Variants in CDH18 observed in about 807,000 individuals in gnomAD.
The protein encoded by CDH18 is cadherin-18.
CDH18 carries 31 observed loss-of-function variants against 67.9 expected under a neutral mutation model. The observed-to-expected ratio is 0.46, with a 90% confidence interval of 0.34 to 0.62. The LOEUF is 0.62. Among genes scored for constraint, CDH18 ranks in the 20% least tolerant of loss-of-function variants. The probability of loss-of-function intolerance (pLI) is 0.01; values close to 1 mark genes in which losing one functional copy is unlikely to be tolerated. For missense variants in CDH18, 890 were observed against 975.5 expected (o/e 0.91, Z 1.17); for synonymous variants, 362 against 347.2 (o/e 1.04, Z -0.48).
At chr5:20,483,409 A>T (rs1752953014) in intron 1 of CDH18, among the ~76,000 whole-genome samples, 1 of 152,040 alleles carries the variant, frequency 6.6e-6, no homozygotes, top group Admixed American at 6.6e-5. Flanking sequence ...ACAGAAATAG[A>T]GAAAATAATC....
intron 5 of CDH18, among the ~76,000 whole-genome samples, chr5:19,707,342 T>C (rs544234246): frequency 6.6e-6 from 1 of 152,314 alleles, no homozygotes; most frequent in African/African-American, 2.4e-5. Context: ...AACTTAATGA[T>C]AGCTATGATA....
chr5:19,897,942 G>C (rs1373115280), intron 2 of CDH18, among the ~76,000 whole-genome samples: 1 of 151,992 alleles, frequency 6.6e-6, no homozygotes, highest in East Asian at 1.9e-4. Context: ...TCTTTATCTG[G>C]ATGAAGGGAA....
intron 1 of CDH18, among the ~76,000 whole-genome samples, chr5:20,560,770 G>T (rs1758163061): frequency 6.6e-6 from 1 of 151,990 alleles, no homozygotes; most frequent in Non-Finnish European, 1.5e-5. Flanking sequence ...TTGTTAAGTA[G>T]GTGAATGAAT....
chr5:20,061,258 G>C (rs899910527), intron 2 of CDH18, among the ~76,000 whole-genome samples: 1 of 150,576 alleles, frequency 6.6e-6, no homozygotes. Context: ...AAAATATTAA[G>C]AACTCCACAA....
At chr5:19,650,986 T>C (rs1580701708) in intron 5 of CDH18, among the ~76,000 whole-genome samples, 1 of 152,152 alleles carries the variant, frequency 6.6e-6, no homozygotes, top group East Asian at 1.9e-4. Context: ...ATATGCTTTA[T>C]GCTAAAAGTA....
chr5:19,720,137 T>A (rs537593505), intron 5 of CDH18, among the ~76,000 whole-genome samples: 64 of 152,300 alleles, frequency 4.2e-4, no homozygotes, highest in African/African-American at 1.4e-3. Flanking sequence ...TGCTTATCTA[T>A]ACCATGTTTT....
At chr5:19,858,829 G>A (rs1463872448) in intron 2 of CDH18, among the ~76,000 whole-genome samples, 1 of 152,026 alleles carries the variant, frequency 6.6e-6, no homozygotes, top group Non-Finnish European at 1.5e-5. Context: ...TCATTTGTTA[G>A]ATATTACTTT....
Position 19,507,436 on chromosome 5 carries a change from C to G in CDH18, c.1513-4327G>C, listed in dbSNP as rs567437478. On this transcript the variant is annotated intron_variant, in intron 10 of 12. Coordinates refer to ENST00000382275, the MANE Select transcript of CDH18 (RefSeq NM_004934.5). ...ACCCAAAGGATTATAAATCATGCTG[C>G]TATAAAGACACATGCACACGTATGT... 3.3e-5 allele frequency among the ~76,000 whole-genome samples: 5 copies of G among 152,252 alleles called. No homozygotes were observed. The East Asian group carries it at 9.6e-4, about 29-fold the overall frequency.
intron 2 of CDH18, among the ~76,000 whole-genome samples, chr5:19,921,667 A>C (rs1280500943): frequency 6.6e-6 from 1 of 152,210 alleles, no homozygotes; most frequent in Admixed American, 6.5e-5. Flanking sequence ...TATAAAAATG[A>C]GACAAGTATA....
intron 1 of CDH18, among the ~76,000 whole-genome samples, chr5:20,287,780 CA>C (rs34818404): frequency 0.31 from 47,635 of 151,278 alleles, 7,848 homozygotes; most frequent in Non-Finnish European, 0.36. Flanking sequence ...TCATGTGAAA[CA>C]AATCAACGTT....
intron 1 of CDH18, among the ~76,000 whole-genome samples, chr5:20,515,334 C>G (rs1384290052): frequency 6.7e-6 from 1 of 149,982 alleles, no homozygotes; most frequent in Non-Finnish European, 1.5e-5. Flanking sequence ...AAAATAAAAC[C>G]AGAAGAGTCA....
chr5:20,108,209 A>T (rs918455544), intron 2 of CDH18, among the ~76,000 whole-genome samples: 1 of 152,098 alleles, frequency 6.6e-6, no homozygotes, highest in Non-Finnish European at 1.5e-5. Flanking sequence ...CTTCCCAAGC[A>T]GGTGGGACTA....
intron 1 of CDH18, among the ~76,000 whole-genome samples, chr5:20,274,458 A>C (rs138129921): frequency 0.011 from 1,707 of 152,276 alleles, 32 homozygotes; most frequent in African/African-American, 0.039. Flanking sequence ...AAATCTGACC[A>C]GTGTTTTCCT....
chr5:20,343,158 T>C (rs1273516274), intron 1 of CDH18, among the ~76,000 whole-genome samples: 1 of 152,098 alleles, frequency 6.6e-6, no homozygotes, highest in East Asian at 1.9e-4. Context: ...AAGGTGGGCG[T>C]AGCTACCATA....
intron 1 of CDH18, among the ~76,000 whole-genome samples, chr5:20,431,487 C>CAAAAAAAAAAAAA (rs560015111): frequency 4.5e-5 from 3 of 66,222 alleles, no homozygotes; most frequent in African/African-American, 1.2e-4. Context: ...GAGTGAAACT[C>CAAAAAAAAAAAAA]AAAAAAAAAA....
chr5:20,282,786 T>G (rs1580661395), intron 1 of CDH18, among the ~76,000 whole-genome samples: 1 of 152,162 alleles, frequency 6.6e-6, no homozygotes, highest in Middle Eastern at 3.4e-3. Context: ...AAAACAATCC[T>G]AAAGTTTATA....
chr5:20,415,279 C>A (rs901242839), intron 1 of CDH18, among the ~76,000 whole-genome samples: 4 of 151,618 alleles, frequency 2.6e-5, no homozygotes, highest in Non-Finnish European at 4.4e-5. Context: ...CCCAGCTACT[C>A]GGGAGGCTGA....
chr5:19,988,379 C>G (rs113182523), upstream of CDH18: 291 of 155,876 alleles, frequency 1.9e-3, 2 homozygotes, highest in African/African-American at 6.5e-3. Context: ...CCTTCTCCCC[C>G]CCAACCCCCC....
chr5:19,494,750 C>T (rs796221977), intron 11 of CDH18, among the ~76,000 whole-genome samples: 24 of 152,196 alleles, frequency 1.6e-4, no homozygotes, highest in African/African-American at 5.3e-4. Flanking sequence ...AGTAAGGGAT[C>T]GTAGGTAGAA....
Sources: allele counts gnomAD v4.1 joint callset (sites outside exome capture counted in the v4.1 genomes callset), GRCh38; gene constraint gnomAD v4.1.1; transcripts MANE v1.5; gene names NCBI Gene and HGNC (gene_info 2026-07-23, HGNC 2026-07-21).